NEK7: variants seen among roughly 807,000 people sequenced by gnomAD.
NEK7 encodes the protein serine/threonine-protein kinase Nek7.
Under a neutral mutation model 44.6 loss-of-function variants are expected in NEK7, and 18 were observed. That is an observed-to-expected ratio of 0.40 (90% CI 0.28 to 0.60). NEK7 has a LOEUF of 0.60. Among genes scored for constraint, NEK7 ranks in the 20% least tolerant of loss-of-function variants. The probability of loss-of-function intolerance (pLI) is 0.38; values close to 1 mark genes in which losing one functional copy is unlikely to be tolerated. For missense variants in NEK7, 256 were observed against 366.5 expected, an observed-to-expected ratio of 0.70 and a Z score of 2.46; for synonymous variants, 130 against 121.1, an observed-to-expected ratio of 1.07 and a Z score of -0.48.
chr1:198,317,492 A>G (rs531042946), intron 9 of NEK7, among the ~76,000 whole-genome samples: 2 of 152,328 alleles, frequency 1.3e-5, no homozygotes. Flanking sequence ...GTGCATCATT[A>G]TATCTCTAAT....
intron 1 of NEK7, among the ~76,000 whole-genome samples, chr1:198,165,649 A>G (rs1217989093): frequency 6.6e-6 from 1 of 152,196 alleles, no homozygotes; most frequent in Non-Finnish European, 1.5e-5. Context: ...CACTTATAGC[A>G]CACAGGCAGA....
intron 1 of NEK7, chr1:198,207,042 A>G (rs1297103761): frequency 2.0e-5 from 3 of 152,184 alleles, no homozygotes; most frequent in Admixed American, 1.3e-4. Flanking sequence ...GGTTCATTAC[A>G]TTTCTCAATT....
intron 5 of NEK7, among the ~76,000 whole-genome samples, chr1:198,267,484 C>T (rs1653692653): frequency 1.3e-5 from 2 of 152,008 alleles, no homozygotes; most frequent in African/African-American, 4.8e-5. Flanking sequence ...CACTCTGTCG[C>T]CCAGGGTGGA....
At chr1:198,201,320 T>C (rs138389084) in intron 1 of NEK7, among the ~76,000 whole-genome samples, 2 of 152,360 alleles carry the variant, frequency 1.3e-5, no homozygotes, top group African/African-American at 4.8e-5. Context: ...TCTCTTAGAA[T>C]TGTTTTATTA....
At chr1:198,317,382 C>T (rs72731952) in intron 9 of NEK7, among the ~76,000 whole-genome samples, 5,485 of 152,302 alleles carry the variant, frequency 0.036, 166 homozygotes, top group Middle Eastern at 0.051. Context: ...ACTCCCACTA[C>T]CTATTTACCT....
intron 2 of NEK7, among the ~76,000 whole-genome samples, chr1:198,246,950 A>G (rs1255968346): frequency 6.6e-6 from 1 of 152,250 alleles, no homozygotes; most frequent in African/African-American, 2.4e-5. Flanking sequence ...ATTCTTAGGA[A>G]ATCATAGACA....
chr1:198,231,394 G>A (rs1022853929), intron 1 of NEK7, among the ~76,000 whole-genome samples: 7 of 146,056 alleles, frequency 4.8e-5, no homozygotes, highest in Admixed American at 4.1e-4. Flanking sequence ...GTGCAGTGTG[G>A]TAAAGGATAA....
intron 1 of NEK7, among the ~76,000 whole-genome samples, chr1:198,214,452 A>T (rs763007226): frequency 3.9e-5 from 6 of 152,222 alleles, no homozygotes; most frequent in Non-Finnish European, 8.8e-5. Flanking sequence ...ATGGATGAAA[A>T]ATGTTCTAAA....
At chr1:198,181,449 G>A (rs1031601204) in intron 1 of NEK7, among the ~76,000 whole-genome samples, 3 of 152,010 alleles carry the variant, frequency 2.0e-5, no homozygotes, top group African/African-American at 4.8e-5. Context: ...TTCACAAGAC[G>A]TTAGAATTGA....
At chr1:198,279,211 T>TAAG (rs58499979) in intron 7 of NEK7, 150 bp downstream of exon 7, 1 of 506,846 alleles carries the variant, frequency 2.0e-6, no homozygotes, top group South Asian at 3.2e-5. Context: ...AACTCTCTAT[T>TAAG]AGGTATAAGG....
intron 1 of NEK7, among the ~76,000 whole-genome samples, chr1:198,186,389 G>A (rs1664926813): frequency 6.6e-6 from 1 of 152,124 alleles, no homozygotes; most frequent in African/African-American, 2.4e-5. Flanking sequence ...AAGAGCAAAA[G>A]AGCAAGTTTT....
chr1:198,223,955 T>C (rs78650404), intron 1 of NEK7, among the ~76,000 whole-genome samples: 4,332 of 152,210 alleles, frequency 0.028, 197 homozygotes, highest in African/African-American at 0.099. Context: ...AGATAGACCA[T>C]TGGATTTTAA....
At chr1:198,206,149 TA>T (rs771437178) in intron 1 of NEK7, among the ~76,000 whole-genome samples, 4 of 151,146 alleles carry the variant, frequency 2.6e-5, no homozygotes, top group East Asian at 1.9e-4. Flanking sequence ...CAGTTTAAGT[TA>T]AAAAAAAACT....
At chr1:198,316,401 G>A (rs1206668645) in intron 9 of NEK7, among the ~76,000 whole-genome samples, 3 of 152,124 alleles carry the variant, frequency 2.0e-5, no homozygotes, top group Non-Finnish European at 4.4e-5. Context: ...CCCAAGATGA[G>A]GGTTGCAGTA....
chr1:198,231,336 T>TAA (rs1491467818), intron 1 of NEK7, among the ~76,000 whole-genome samples: 1 of 132,856 alleles, frequency 7.5e-6, no homozygotes, highest in Non-Finnish European at 1.6e-5. Context: ...TATATATATA[T>TAA]AAAAACACAT....
chr1:198,179,699 T>C (rs1055168325), intron 1 of NEK7, among the ~76,000 whole-genome samples: 4 of 152,120 alleles, frequency 2.6e-5, no homozygotes, highest in African/African-American at 9.7e-5. Context: ...TGTGAAACCC[T>C]ATCCTTCAAT....
chr1:198,312,325 C>G (rs1446451016), intron 9 of NEK7, among the ~76,000 whole-genome samples: 1 of 150,652 alleles, frequency 6.6e-6, no homozygotes, highest in Non-Finnish European at 1.5e-5. Flanking sequence ...TGATTCTTCT[C>G]TCTTTTTTTC....
intron 5 of NEK7, among the ~76,000 whole-genome samples, chr1:198,272,862 A>G (rs1335769674): frequency 6.6e-6 from 1 of 151,782 alleles, no homozygotes; most frequent in African/African-American, 2.4e-5. Flanking sequence ...ACCAGTTTTC[A>G]GGAGGCAACT....
intron 7 of NEK7, among the ~76,000 whole-genome samples, chr1:198,281,337 T>C (rs1243200444): frequency 6.6e-6 from 1 of 152,086 alleles, no homozygotes; most frequent in African/African-American, 2.4e-5. Flanking sequence ...CGTGGTGACC[T>C]ATGCAAATTT....
Sources: allele counts gnomAD v4.1 joint callset (sites outside exome capture counted in the v4.1 genomes callset), GRCh38; gene constraint gnomAD v4.1.1; transcripts MANE v1.5; gene names NCBI Gene and HGNC (gene_info 2026-07-23, HGNC 2026-07-21).